The following MBNL2 variants were observed in gnomAD, a reference collection of about 807,000 sequenced individuals.
The protein encoded by MBNL2 is muscleblind-like protein 2.
Under a neutral mutation model 41.9 loss-of-function variants are expected in MBNL2, and 17 were observed. The observed-to-expected ratio is 0.41, with a 90% confidence interval of 0.28 to 0.61. The LOEUF is 0.61. Among genes scored for constraint, MBNL2 ranks in the 20% least tolerant of loss-of-function variants. MBNL2 has a pLI of 0.35. For synonymous variants in MBNL2, 195 were observed against 182.9 expected (o/e 1.07, Z -0.53); for missense variants, 336 against 505.6 (o/e 0.66, Z 3.22).
intron 1 of MBNL2, among the ~76,000 whole-genome samples, chr13:97,262,150 T>G (rs1337310617): frequency 1.3e-5 from 2 of 152,188 alleles, no homozygotes; most frequent in Non-Finnish European, 2.9e-5. Context: ...CCAAAGCATC[T>G]CTGACTTCAG....
chr13:97,307,401 A>C (rs144816535), intron 2 of MBNL2, among the ~76,000 whole-genome samples: 7 of 152,258 alleles, frequency 4.6e-5, no homozygotes, highest in Non-Finnish European at 1.0e-4. Flanking sequence ...TTATGGAAAA[A>C]AAAAAACCTG....
chr13:97,154,923 A>C, the MBNL2 span, among the ~76,000 whole-genome samples: 1 of 151,982 alleles, frequency 6.6e-6, no homozygotes, highest in Non-Finnish European at 1.5e-5. Flanking sequence ...GTACTGCACA[A>C]ATAGTATTGA....
At chr13:97,260,830 C>A (rs921585267) in intron 1 of MBNL2, among the ~76,000 whole-genome samples, 1 of 152,188 alleles carries the variant, frequency 6.6e-6, no homozygotes, top group African/African-American at 2.4e-5. Flanking sequence ...CCACCTTCCC[C>A]ATCCACAGAT....
At chr13:97,175,795 GA>G in the MBNL2 span, among the ~76,000 whole-genome samples, 204 of 151,410 alleles carry the variant, frequency 1.3e-3, 1 homozygote, top group African/African-American at 4.9e-3. Flanking sequence ...TGCTGCAGTT[GA>G]AAAGTGGACA....
chr13:97,210,066 G>C, the MBNL2 span, among the ~76,000 whole-genome samples: 10 of 152,168 alleles, frequency 6.6e-5, no homozygotes, highest in Non-Finnish European at 1.2e-4. Flanking sequence ...GAAGTGCTGG[G>C]ATTACAGGCA....
intron 2 of MBNL2, among the ~76,000 whole-genome samples, chr13:97,305,294 T>C (rs1043017333): frequency 6.6e-6 from 1 of 152,218 alleles, no homozygotes; most frequent in Non-Finnish European, 1.5e-5. Flanking sequence ...GAAATTGCTA[T>C]AACAGGAGAA....
chr13:97,191,289 G>A, the MBNL2 span, among the ~76,000 whole-genome samples: 3 of 150,922 alleles, frequency 2.0e-5, no homozygotes, highest in East Asian at 1.9e-4. Context: ...TTTGCAGTGG[G>A]GAGGAGCCTG....
the MBNL2 span, among the ~76,000 whole-genome samples, chr13:97,143,373 G>A: frequency 6.6e-6 from 1 of 152,182 alleles, no homozygotes; most frequent in Non-Finnish European, 1.5e-5. Flanking sequence ...AGAATTCTTT[G>A]AAGGACCTTC....
chr13:97,162,116 C>G, the MBNL2 span, among the ~76,000 whole-genome samples: 40 of 152,090 alleles, frequency 2.6e-4, no homozygotes, highest in African/African-American at 8.4e-4. Context: ...GTGCTACACA[C>G]TTTTAAATAA....
intron 8 of MBNL2, among the ~76,000 whole-genome samples, chr13:97,385,071 G>C (rs2153165606): frequency 6.6e-6 from 1 of 152,286 alleles, no homozygotes; most frequent in African/African-American, 2.4e-5. Flanking sequence ...CCCCATTCCT[G>C]TTTCTCCCAT....
chr13:97,260,961 T>C (rs1317917969), intron 1 of MBNL2, among the ~76,000 whole-genome samples: 1 of 152,156 alleles, frequency 6.6e-6, no homozygotes, highest in African/African-American at 2.4e-5. Context: ...TCTCAGTAAG[T>C]GTTTGTTCTG....
intron 2 of MBNL2, among the ~76,000 whole-genome samples, chr13:97,332,803 T>C (rs1368007943): frequency 6.6e-6 from 1 of 152,244 alleles, no homozygotes; most frequent in African/African-American, 2.4e-5. Context: ...TAGACTCTTA[T>C]TAACAGCAAA....
intron 7 of MBNL2, 181 bp downstream of exon 7, chr13:97,357,816 G>A (rs1460659716): frequency 8.8e-6 from 6 of 679,208 alleles, no homozygotes; most frequent in Admixed American, 8.7e-5. Flanking sequence ...AAGACTGTTA[G>A]GATTCTAAAG....
chr13:97,217,517 C>T (rs1216494419), upstream of MBNL2, among the ~76,000 whole-genome samples: 1 of 151,940 alleles, frequency 6.6e-6, no homozygotes, highest in Non-Finnish European at 1.5e-5. Flanking sequence ...TTGGGTGTTG[C>T]TGGATAGAAA....
the MBNL2 span, among the ~76,000 whole-genome samples, chr13:97,162,114 C>T: frequency 5.3e-5 from 8 of 152,102 alleles, no homozygotes; most frequent in Admixed American, 2.6e-4. Flanking sequence ...AGGTGCTACA[C>T]ACTTTTAAAT....
At chr13:97,149,667 T>A in the MBNL2 span, among the ~76,000 whole-genome samples, 1 of 152,098 alleles carries the variant, frequency 6.6e-6, no homozygotes, top group African/African-American at 2.4e-5. Context: ...TTAGAGAGGG[T>A]CAGCTGCCCA....
At chr13:97,314,970 G>C (rs1034128915) in intron 2 of MBNL2, among the ~76,000 whole-genome samples, 5 of 151,988 alleles carry the variant, frequency 3.3e-5, no homozygotes, top group African/African-American at 1.2e-4. Context: ...TGAAAACATT[G>C]GGCATATAGT....
upstream of MBNL2, among the ~76,000 whole-genome samples, chr13:97,221,972 A>G (rs1163828100): frequency 3.0e-4 from 46 of 152,230 alleles, no homozygotes; most frequent in Admixed American, 3.0e-3. Context: ...AGTTTCATGT[A>G]CAACCTGGAT....
chr13:97,291,881 C>T (rs544007885), intron 2 of MBNL2, among the ~76,000 whole-genome samples: 97 of 99,692 alleles, frequency 9.7e-4, no homozygotes, highest in Middle Eastern at 6.8e-3. Context: ...GGCAACAGAG[C>T]GAGACTCCGT....
Sources: allele counts gnomAD v4.1 joint callset (sites outside exome capture counted in the v4.1 genomes callset), GRCh38; gene constraint gnomAD v4.1.1; transcripts MANE v1.5; gene names NCBI Gene and HGNC (gene_info 2026-07-23, HGNC 2026-07-21).